The following KAZN variants were observed in gnomAD, a reference collection of about 807,000 sequenced individuals.
The protein encoded by KAZN is kazrin.
In KAZN, 40 loss-of-function variants were observed where a neutral mutation model predicts 87.4. That is an observed-to-expected ratio of 0.46 (90% CI 0.36 to 0.60). The LOEUF is 0.60. KAZN is among the 20% of genes least tolerant of loss of function. The pLI is 0.00. For synonymous variants in KAZN, 466 were observed against 458.3 expected (o/e 1.02, Z -0.22); for missense variants, 898 against 1,073.9 (o/e 0.84, Z 2.29).
At chr1:13,991,121 A>G (rs1023158941) in intron 1 of KAZN, among the ~76,000 whole-genome samples, 7 of 152,244 alleles carry the variant, frequency 4.6e-5, no homozygotes, top group African/African-American at 1.4e-4. Flanking sequence ...GTAAATGTTT[A>G]ACAGCCAGCT....
At chr1:14,073,401 A>C (rs1330728440) in intron 1 of KAZN, among the ~76,000 whole-genome samples, 2 of 152,088 alleles carry the variant, frequency 1.3e-5, no homozygotes, top group African/African-American at 2.4e-5. Context: ...CTATCTTTAA[A>C]ACAATTTTTT....
At chr1:15,063,332 G>A in intron 6 of KAZN, 1 of 548,770 alleles carries the variant, frequency 1.8e-6, no homozygotes, top group Non-Finnish European at 3.3e-6. Flanking sequence ...GCTGGGGGTT[G>A]AGAGGCCAGA....
At chr1:15,109,374 A>G (rs1216104158) in intron 13 of KAZN, among the ~76,000 whole-genome samples, 1 of 151,976 alleles carries the variant, frequency 6.6e-6, no homozygotes, top group East Asian at 1.9e-4. Context: ...CGCTCAGAGG[A>G]AAAAAAAGAT....
chr1:14,835,794 C>T (rs1032322568), intron 1 of KAZN, among the ~76,000 whole-genome samples: 18 of 151,982 alleles, frequency 1.2e-4, no homozygotes, highest in Non-Finnish European at 1.8e-4. Flanking sequence ...GGCTCCTATC[C>T]GGGAAACACC....
At chr1:14,745,210 G>A (rs1644227657) in intron 1 of KAZN, among the ~76,000 whole-genome samples, 3 of 147,020 alleles carry the variant, frequency 2.0e-5, no homozygotes, top group South Asian at 4.3e-4. Context: ...CGCCAAGACC[G>A]ATCTGCAGCC....
intron 2 of KAZN, among the ~76,000 whole-genome samples, chr1:14,509,066 T>C (rs2148441793): frequency 6.6e-6 from 1 of 152,326 alleles, no homozygotes; most frequent in South Asian, 2.1e-4. Context: ...AGGAAAAGCG[T>C]ATAGTGTTAG....
intron 1 of KAZN, among the ~76,000 whole-genome samples, chr1:14,069,750 A>C (rs1394504315): frequency 6.6e-6 from 1 of 151,978 alleles, no homozygotes; most frequent in East Asian, 1.9e-4. Flanking sequence ...AGGGAGGGAA[A>C]CCCTTTCAGG....
chr1:14,293,603 C>T (rs1334860881), intron 2 of KAZN, among the ~76,000 whole-genome samples: 1 of 151,858 alleles, frequency 6.6e-6, no homozygotes, highest in East Asian at 1.9e-4. Context: ...TTCTTTATAC[C>T]AGTCTCTCCT....
intron 1 of KAZN, among the ~76,000 whole-genome samples, chr1:13,898,795 T>C (rs144595844): frequency 8.5e-5 from 13 of 152,356 alleles, no homozygotes; most frequent in Admixed American, 5.9e-4. Flanking sequence ...GTACCTATTA[T>C]CATGCTCCTT....
intron 4 of KAZN, among the ~76,000 whole-genome samples, chr1:15,049,850 C>A (rs563844228): frequency 6.6e-6 from 1 of 152,058 alleles, no homozygotes; most frequent in Non-Finnish European, 1.5e-5. Flanking sequence ...CATGGTGAAA[C>A]CCGTCTCTAC....
At position 14,172,514 on chromosome 1, in the gene KAZN, C is replaced by A. The variant is rs181070447; in HGVS notation, c.92-7921C>A. 3.9e-5 allele frequency among the ~76,000 whole-genome samples: 6 copies of A among 152,346 alleles called. No individual in the cohort carries two copies. In the East Asian group the frequency reaches 1.2e-3, roughly 29 times the overall value. ...ATATACTATTGGTGACCTCATGGAA[C>A]TTACAACTTAAAATGTGTTCCATGA... On this transcript the variant is annotated intron_variant, in intron 1 of 16. Transcript: ENST00000636203.
chr1:14,528,337 CAAAAAAAAAAA>C (rs33960231), intron 2 of KAZN, among the ~76,000 whole-genome samples: 3 of 49,370 alleles, frequency 6.1e-5, no homozygotes, highest in Admixed American at 3.3e-4. Context: ...GACTCCATCT[CAAAAAAAAAAA>C]AAAAAAAAAA....
At chr1:13,957,269 T>G (rs747439768) in intron 1 of KAZN, among the ~76,000 whole-genome samples, 1 of 152,142 alleles carries the variant, frequency 6.6e-6, no homozygotes, top group African/African-American at 2.4e-5. Flanking sequence ...TAAAATGATA[T>G]ATGCAGACTC....
At chr1:14,918,487 C>T (rs1469042893) in intron 1 of KAZN, among the ~76,000 whole-genome samples, 1 of 151,520 alleles carries the variant, frequency 6.6e-6, no homozygotes, top group African/African-American at 2.4e-5. Flanking sequence ...ACCAGCCAGA[C>T]CAATATGGTG....
chr1:14,291,279 C>T (rs143829554), intron 2 of KAZN, among the ~76,000 whole-genome samples: 6,158 of 152,318 alleles, frequency 0.04, 156 homozygotes, highest in Middle Eastern at 0.075. Context: ...CAGCTATGCC[C>T]TGCCCCCAGA....
At chr1:14,874,584 C>T (rs927675044) in intron 1 of KAZN, among the ~76,000 whole-genome samples, 10 of 151,984 alleles carry the variant, frequency 6.6e-5, no homozygotes, top group Admixed American at 5.9e-4. Flanking sequence ...GTAACTGCAC[C>T]ATCTTGTCAC....
intron 2 of KAZN, among the ~76,000 whole-genome samples, chr1:14,394,316 C>A (rs1662710325): frequency 6.6e-6 from 1 of 152,222 alleles, no homozygotes. Context: ...GCCATTTCAG[C>A]AGACAAATGG....
intron 2 of KAZN, among the ~76,000 whole-genome samples, chr1:14,988,693 C>G (rs1667067524): frequency 6.6e-6 from 1 of 152,214 alleles, no homozygotes; most frequent in Non-Finnish European, 1.5e-5. Context: ...GGGGCTGTCA[C>G]TCCACTGATG....
At chr1:14,497,375 T>A (rs1298886924) in intron 2 of KAZN, among the ~76,000 whole-genome samples, 1 of 147,592 alleles carries the variant, frequency 6.8e-6, no homozygotes, top group African/African-American at 2.5e-5. Context: ...ATCTTTTTTG[T>A]TTAAATTCAG....
Sources: allele counts gnomAD v4.1 joint callset (sites outside exome capture counted in the v4.1 genomes callset), GRCh38; gene constraint gnomAD v4.1.1; transcripts MANE v1.5; gene names NCBI Gene and HGNC (gene_info 2026-07-23, HGNC 2026-07-21).